Variants in RHOT1 observed in about 807,000 individuals in gnomAD.
The protein encoded by RHOT1 is ras homolog family member T1, also known as mitochondrial Rho GTPase 1.
A neutral mutation model predicts 95.3 loss-of-function variants in RHOT1; 27 were observed. That is an observed-to-expected ratio of 0.28 (90% confidence interval 0.21 to 0.39). The LOEUF (loss-of-function observed/expected upper bound fraction) is 0.39, where lower values mean the gene tolerates loss of function less well. Among genes scored for constraint, RHOT1 ranks in the 10% least tolerant of loss-of-function variants. RHOT1 has a pLI of 1.00. For synonymous variants in RHOT1, 227 were observed against 263.5 expected (o/e 0.86, Z 1.34); for missense variants, 578 against 786.7 (o/e 0.73, Z 3.17).
intron 1 of RHOT1, among the ~76,000 whole-genome samples, chr17:32,157,034 C>G (rs1231742522): frequency 6.6e-6 from 1 of 152,096 alleles, no homozygotes; most frequent in African/African-American, 2.4e-5. Context: ...AGATTTCAGC[C>G]CAATTCTGTG....
intron 1 of RHOT1, among the ~76,000 whole-genome samples, chr17:32,163,755 A>AT (rs1469569199): frequency 6.6e-6 from 1 of 152,032 alleles, no homozygotes; most frequent in East Asian, 1.9e-4. Flanking sequence ...GAAAAAAAAA[A>AT]CAAAGAATGT....
chr17:32,190,371 C>A (rs2036398447), intron 8 of RHOT1, among the ~76,000 whole-genome samples: 1 of 151,996 alleles, frequency 6.6e-6, no homozygotes, highest in Non-Finnish European at 1.5e-5. Context: ...AGGAGAATCG[C>A]TTGAACCTGG....
intron 6 of RHOT1, among the ~76,000 whole-genome samples, chr17:32,177,272 C>T (rs1009385663): frequency 2.6e-5 from 4 of 152,118 alleles, no homozygotes; most frequent in Admixed American, 2.6e-4. Context: ...ATACACTTAG[C>T]CACGTTTCAA....
intron 11 of RHOT1, among the ~76,000 whole-genome samples, chr17:32,197,312 T>A (rs1459722679): frequency 1.3e-5 from 2 of 151,484 alleles, no homozygotes; most frequent in Non-Finnish European, 2.9e-5. Flanking sequence ...CGCTGCAACC[T>A]CCGTCTCCTG....
At chr17:32,170,941 T>C in intron 1 of RHOT1, 102 bp from the exon 2 acceptor site, 1 of 665,412 alleles carries the variant, frequency 1.5e-6, no homozygotes, top group Non-Finnish European at 2.6e-6. Context: ...TTGGATGCCT[T>C]AGATTTTAGC....
intron 8 of RHOT1, 142 bp from the exon 9 acceptor site, chr17:32,192,059 A>G: frequency 3.6e-6 from 2 of 559,014 alleles, no homozygotes; most frequent in Non-Finnish European, 6.3e-6. Flanking sequence ...AAAGGCTTGC[A>G]TATAAAGTAA....
At chr17:32,179,953 G>A (rs1481893442) in intron 6 of RHOT1, 1 of 144,476 alleles carries the variant, frequency 6.9e-6, no homozygotes, top group Admixed American at 6.7e-5. Flanking sequence ...TCTGGGATGT[G>A]AGGAGCACCT....
chr17:32,177,695 C>G (rs1267469742), intron 6 of RHOT1, among the ~76,000 whole-genome samples: 1 of 145,434 alleles, frequency 6.9e-6, no homozygotes, highest in African/African-American at 2.6e-5. Flanking sequence ...GCGGAGCTTG[C>G]AGTGAGCCGA....
At chr17:32,216,376 G>A (rs2038477710) in intron 19 of RHOT1, among the ~76,000 whole-genome samples, 1 of 151,900 alleles carries the variant, frequency 6.6e-6, no homozygotes, top group Non-Finnish European at 1.5e-5. Flanking sequence ...TTTCCTTTGT[G>A]CATATTTTGG....
chr17:32,164,346 G>T (rs1407320521), intron 1 of RHOT1, among the ~76,000 whole-genome samples: 1 of 151,488 alleles, frequency 6.6e-6, no homozygotes, highest in African/African-American at 2.4e-5. Context: ...CGATTCTTCT[G>T]CCTCAGCCTT....
intron 1 of RHOT1, among the ~76,000 whole-genome samples, chr17:32,157,835 AAAAG>A (rs1199224839): frequency 1.3e-5 from 2 of 152,086 alleles, no homozygotes; most frequent in African/African-American, 4.8e-5. Context: ...AGAAAAAAAA[AAAAG>A]AATACGTGTG....
intron 1 of RHOT1, among the ~76,000 whole-genome samples, chr17:32,143,314 T>G (rs759223535): frequency 6.6e-6 from 1 of 152,226 alleles, no homozygotes; most frequent in Non-Finnish European, 1.5e-5. Flanking sequence ...CATTAAGATA[T>G]GAGTAGTGGA....
chr17:32,208,109 A>G lies in RHOT1; in HGVS notation c.1539A>G (p.Gln513=). 1 of 1,612,958 alleles carries G rather than the reference A, an allele frequency of 6.2e-7. No individual in the cohort carries two copies. The highest frequency in any genetic ancestry group is 8.5e-7 in the Non-Finnish European group (1 of 1,179,010). ...TGATTTCATTTTTTATTCCATAGCA[A>G]CACTTTATGGACAGCAGAATACCTT... is the stretch of plus-strand genomic sequence containing the variant. The part of the protein sequence containing the change: ...SFEYCARIFK[Q]HFMDSRIPCL... The change falls in exon 18 of 20, where the codon CAA becomes CAG. Residue 513 remains glutamine, a splice_region_variant and synonymous_variant. Transcript: ENST00000545287.
intron 11 of RHOT1, among the ~76,000 whole-genome samples, chr17:32,197,637 C>T (rs1459278492): frequency 6.6e-6 from 1 of 152,056 alleles, no homozygotes; most frequent in African/African-American, 2.4e-5. Context: ...ACCGTGTTGT[C>T]CAGGATGGTC....
intron 14 of RHOT1, 32 bp downstream of exon 14, chr17:32,201,088 T>C: frequency 7.6e-7 from 1 of 1,321,272 alleles, no homozygotes; most frequent in South Asian, 1.3e-5. Flanking sequence ...AGCTCATGAT[T>C]AGAGATATTT....
chr17:32,159,786 G>C (rs978642261), intron 1 of RHOT1: 2 of 152,424 alleles, frequency 1.3e-5, no homozygotes, highest in Admixed American at 6.5e-5. Flanking sequence ...AGGCCTGCAG[G>C]TACCCTTTGG....
rs1300585666 is a variant in RHOT1, at chr17:32,149,635, A to ATGTGTGTGTGTGTGTGTGTGTGTGTG, written c.37+6908_37+6933dup. On this transcript the variant is annotated intron_variant, in intron 1 of 19. Coordinates refer to ENST00000545287, the MANE Select transcript of RHOT1 (RefSeq NM_001033566.3). The stretch of plus-strand genomic sequence containing the variant: ...TATATATATATATATATATATATAT[A>ATGTGTGTGTGTGTGTGTGTGTGTGTG]TGTGTGTGTGTGTGTGTGTGTGTGT... Among the ~76,000 whole-genome samples, 45 of 59,054 alleles carry ATGTGTGTGTGTGTGTGTGTGTGTGTG rather than the reference A, an allele frequency of 7.6e-4. 1 individual carries two copies. Among genetic ancestry groups the ATGTGTGTGTGTGTGTGTGTGTGTGTG allele is most frequent in the Non-Finnish European group, 9.2e-4 (27 of 29,238 alleles). 38.7% of individuals were successfully genotyped at this position (59,054 alleles called of 152,430 possible).
intron 6 of RHOT1, among the ~76,000 whole-genome samples, chr17:32,182,290 C>G (rs1262050868): frequency 6.6e-6 from 1 of 151,462 alleles, no homozygotes; most frequent in Non-Finnish European, 1.5e-5. Context: ...CTAGCCTAGG[C>G]AATATAGCTA....
chr17:32,193,213 T>C lies in RHOT1; in HGVS notation c.717T>C (p.Asp239=). 1 of 1,613,432 alleles carries C rather than the reference T, an allele frequency of 6.2e-7. No individual in the cohort carries two copies. The highest frequency in any genetic ancestry group is 8.5e-7 in the Non-Finnish European group (1 of 1,179,484). ...VKNVVRKHIS[D]GVADSGLTLK... ...ATGTAGTCAGAAAACATATAAGTGA[T>C]GGTGTGGCTGACAGTGGGTTGACCC... The change falls in exon 10 of 20, where the codon GAT becomes GAC. Residue 239 remains aspartate, a synonymous_variant. Coordinates refer to ENST00000545287, the MANE Select transcript of RHOT1 (RefSeq NM_001033566.3).
Sources: allele counts gnomAD v4.1 joint callset (sites outside exome capture counted in the v4.1 genomes callset), GRCh38; gene constraint gnomAD v4.1.1; transcripts MANE v1.5; gene names NCBI Gene and HGNC (gene_info 2026-07-23, HGNC 2026-07-21).